The following SLC16A6 variants were observed in gnomAD, a reference collection of about 807,000 sequenced individuals.
SLC16A6 encodes monocarboxylate transporter 7.
Under a neutral mutation model 33.8 loss-of-function variants are expected in SLC16A6, and 15 were observed. The observed-to-expected ratio is 0.44, with a 90% confidence interval of 0.30 to 0.68. SLC16A6 has a LOEUF of 0.68. Among genes scored for constraint, SLC16A6 ranks in the 30% least tolerant of loss-of-function variants. SLC16A6 has a pLI of 0.10. For missense variants in SLC16A6, 451 were observed against 661.5 expected (o/e 0.68, Z 3.49); for synonymous variants, 219 against 248.4 (o/e 0.88, Z 1.11).
intron 1 of SLC16A6, among the ~76,000 whole-genome samples, chr17:68,283,382 G>C (rs1035653133): frequency 3.0e-4 from 46 of 152,216 alleles, no homozygotes; most frequent in Admixed American, 7.2e-4. Flanking sequence ...TTAGCCAGGC[G>C]TGGTGGCGGG....
chr17:68,283,781 G>A (rs11077464), intron 1 of SLC16A6, among the ~76,000 whole-genome samples: 53,664 of 151,150 alleles, frequency 0.36, 9,638 homozygotes, highest in East Asian at 0.39. Context: ...GGGAGGCTGA[G>A]GCAGGAGAAT....
chr17:68,270,217 A>T (rs2075291263), intron 5 of SLC16A6, among the ~76,000 whole-genome samples: 1 of 152,148 alleles, frequency 6.6e-6, no homozygotes, highest in African/African-American at 2.4e-5. Context: ...GAAGGTGATA[A>T]ATCCATGAGT....
At chr17:68,283,849 G>A in intron 1 of SLC16A6, among the ~76,000 whole-genome samples, 1 of 141,434 alleles carries the variant, frequency 7.1e-6, no homozygotes, top group South Asian at 2.2e-4. Flanking sequence ...TTGCACTCCA[G>A]CCTGGGCAAA....
chr17:68,281,464 A>G (rs1285533560), intron 1 of SLC16A6, among the ~76,000 whole-genome samples: 2 of 150,902 alleles, frequency 1.3e-5, no homozygotes, highest in African/African-American at 4.9e-5. Context: ...AGTCCCAGCT[A>G]CTCGCGAGGC....
chr17:68,273,864 T>C, intron 3 of SLC16A6, 63 bp downstream of exon 3: 1 of 1,562,246 alleles, frequency 6.4e-7, no homozygotes, highest in African/African-American at 1.4e-5. Context: ...ATTTCCTCCT[T>C]CCCCTTCCTT....
chr17:68,278,496 C>T (rs1474537427), intron 1 of SLC16A6, among the ~76,000 whole-genome samples, 169 bp from the exon 2 acceptor site: 1 of 152,072 alleles, frequency 6.6e-6, no homozygotes, highest in Non-Finnish European at 1.5e-5. Flanking sequence ...GTCATCCAGG[C>T]TAGAGTGCAG....
intron 1 of SLC16A6, among the ~76,000 whole-genome samples, chr17:68,289,192 A>T (rs903621700): frequency 2.0e-5 from 3 of 152,126 alleles, no homozygotes; most frequent in Admixed American, 6.6e-5. Flanking sequence ...CAAAAAAATT[A>T]AAAAATGAGG....
chr17:68,280,533 T>C (rs1002083925), intron 1 of SLC16A6, among the ~76,000 whole-genome samples: 5 of 152,170 alleles, frequency 3.3e-5, no homozygotes, highest in African/African-American at 1.2e-4. Context: ...AAGACATTCA[T>C]TGGAGAAAGT....
chr17:68,267,174 G>T lies in SLC16A6; in HGVS notation c.*1922C>A, dbSNP rs1599477124. 5 of 152,264 alleles carry T rather than the reference G, an allele frequency of 3.3e-5. 1 individual carries two copies. Among genetic ancestry groups the T allele is most frequent in the African/African-American group, 1.2e-4 (5 of 41,562 alleles). 9.4% of individuals were successfully genotyped at this position (152,264 alleles called of 1,614,324 possible). On this transcript the variant is annotated 3_prime_UTR_variant, in exon 6 of 6. Transcript: ENST00000580666. Reference sequence around the variant, plus strand: ...ACATACTGAAATTGGCATACATTTTGTTTTCATGCAGATAACAGAATAGAC... The same window carrying T: ...ACATACTGAAATTGGCATACATTTTTTTTTCATGCAGATAACAGAATAGAC...
intron 2 of SLC16A6, among the ~76,000 whole-genome samples, chr17:68,274,760 G>C (rs1427047820): frequency 6.7e-6 from 1 of 149,350 alleles, no homozygotes; most frequent in Non-Finnish European, 1.5e-5. Context: ...CTCCATTTGG[G>C]GTCAGATTCT....
intron 2 of SLC16A6, among the ~76,000 whole-genome samples, chr17:68,277,443 T>G (rs904598141): frequency 6.7e-6 from 1 of 148,192 alleles, no homozygotes; most frequent in Non-Finnish European, 1.5e-5. Context: ...ACTTTTTTCT[T>G]TTTTGAGATG....
chr17:68,284,808 A>G (rs1430353967), intron 1 of SLC16A6, among the ~76,000 whole-genome samples: 6 of 152,198 alleles, frequency 3.9e-5, no homozygotes, highest in Non-Finnish European at 8.8e-5. Context: ...AATAAGGCAT[A>G]AGATGCTGTA....
At chr17:68,281,289 C>A (rs556679946) in intron 1 of SLC16A6, among the ~76,000 whole-genome samples, 131 of 151,758 alleles carry the variant, frequency 8.6e-4, no homozygotes, top group Middle Eastern at 3.4e-3. Context: ...GGTGAACAGG[C>A]TGGTGGCGGT....
At chr17:68,273,789 A>G in intron 3 of SLC16A6, 138 bp downstream of exon 3, 1 of 1,046,180 alleles carries the variant, frequency 9.6e-7, no homozygotes, top group Non-Finnish European at 1.4e-6. Context: ...GTTCAAAACT[A>G]CTGATCTGAG....
rs782478038 is a variant in SLC16A6 at position 68,271,345 on chromosome 17, G to T, written c.815C>A (p.Thr272Asn). 10 of 1,614,260 alleles carry T rather than the reference G, an allele frequency of 6.2e-6. 1 individual carries two copies. In the South Asian group the frequency reaches 8.8e-5, roughly 14 times the overall value. The change falls in exon 5 of 6, where the codon ACC becomes AAC. Residue 272 changes from threonine (T) to asparagine (N), a missense_variant. Physicochemically the swap from Thr to Asn is moderately conservative, Grantham distance 65 (BLOSUM62 0). Coordinates refer to ENST00000580666, the MANE Select transcript of SLC16A6 (RefSeq NM_004694.5). The surrounding 1 kb of genome is among the most constrained non-coding windows in gnomAD (Gnocchi z 5.3). ...KADMQQVLVK[T>N]SPRPSEKKAP... ...TTTCTTTTCGCTTGGCCTGGGGCTG[G>T]TCTTCACCAGGACCTGCTGCATGTC...
rs782551003 is a variant in SLC16A6, at chr17:68,278,114, G to C, written c.207C>G (p.Ile69Met). 1.2e-6 allele frequency: 2 copies of C among 1,613,682 alleles called. No homozygotes were observed. Among genetic ancestry groups the C allele is most frequent in the South Asian group, 2.2e-5 (2 of 91,048 alleles). Residue 69 changes from isoleucine to methionine, a missense_variant, in exon 2 of 6, where the codon ATC becomes ATG. By Grantham distance (10) the Ile-to-Met change is conservative. Transcript: ENST00000580666. ...CTGAAAATGTTAAGACAAACACACA[G>C]ATTGAGATTATCCATGAGATCCTGC... ...SNSRISWIIS[I>M]CVFVLTFSAP... is the part of the protein sequence containing the mutation.
At chr17:68,270,181 A>G (rs781949500) in intron 5 of SLC16A6, among the ~76,000 whole-genome samples, 4 of 152,168 alleles carry the variant, frequency 2.6e-5, no homozygotes, top group Non-Finnish European at 5.9e-5. Context: ...CATTAGTTCT[A>G]TCATTCCAAA....
At chr17:68,282,461 TCTG>T (rs2075723504) in intron 1 of SLC16A6, among the ~76,000 whole-genome samples, 1 of 149,080 alleles carries the variant, frequency 6.7e-6, no homozygotes, top group Admixed American at 6.8e-5. Context: ...ATGTAACAAA[TCTG>T]CACGTTGTGC....
chr17:68,272,731 G>C lies in SLC16A6; in HGVS notation c.413C>G (p.Thr138Ser). Residue 138 changes from threonine (T) to serine (S), a missense_variant, in exon 4 of 6, where the codon ACC becomes AGC. This residue lies in a region of SLC16A6 where 405 missense variants were observed against 510.7 expected (regional missense o/e 0.79). Transcript: ENST00000580666. ...TTTGCCAAAATATTGTGATAGGATG[G>C]TTACAGTTGGGAGAAAACTAAAGCA... is the stretch of plus-strand genomic sequence containing the variant. ...GYCFSFLPTVTILSQYFGKRR... is the reference protein window; with the variant it reads ...GYCFSFLPTVSILSQYFGKRR... 6.2e-7 allele frequency: 1 copy of C among 1,614,144 alleles called. No individual in the cohort carries two copies. Among genetic ancestry groups the C allele is most frequent in the Non-Finnish European group, 8.5e-7 (1 of 1,179,986 alleles).
Sources: allele counts gnomAD v4.1 joint callset (sites outside exome capture counted in the v4.1 genomes callset), GRCh38; gene constraint gnomAD v4.1.1; regional missense constraint gnomAD v4.1.1; non-coding constraint Gnocchi (gnomAD v3.1); transcripts MANE v1.5; gene names NCBI Gene and HGNC (gene_info 2026-07-23, HGNC 2026-07-21).